TANC2: variants seen among roughly 807,000 people sequenced by gnomAD.
TANC2 encodes the protein tetratricopeptide repeat, ankyrin repeat and coiled-coil containing 2.
In TANC2, 26 loss-of-function variants were observed where a neutral mutation model predicts 210.5. The ratio of observed to expected loss-of-function variants is 0.12; its 90% confidence interval spans 0.09 to 0.17. The LOEUF (loss-of-function observed/expected upper bound fraction) is 0.17. Ranked by LOEUF, TANC2 falls within the 10% of genes least tolerant of loss-of-function variation. The probability of loss-of-function intolerance (pLI) is 1.00; values close to 1 mark genes in which losing one functional copy is unlikely to be tolerated. For missense variants in TANC2, 2,129 were observed against 2,608.9 expected (o/e 0.82, Z 4.01); for synonymous variants, 931 against 967.1 (o/e 0.96, Z 0.69).
At chr17:63,314,583 C>G (rs1461277488) in exon 10 of TANC2, 1 of 1,613,966 alleles carries the variant, frequency 6.2e-7, no homozygotes, top group African/African-American at 1.3e-5. Flanking sequence ...GGCAAAACTG[C>G]CATCATCTCC....
intron 6 of TANC2, among the ~76,000 whole-genome samples, chr17:63,196,756 A>G (rs939530412): frequency 2.0e-5 from 3 of 152,212 alleles, no homozygotes; most frequent in Non-Finnish European, 4.4e-5. Flanking sequence ...ATAGGTAATA[A>G]TAACTGACAT....
At chr17:62,992,510 A>C (rs1178676625) in intron 1 of TANC2, among the ~76,000 whole-genome samples, 5 of 152,306 alleles carry the variant, frequency 3.3e-5, no homozygotes, top group South Asian at 4.1e-4. Context: ...TGATTTGTTA[A>C]ATGATATGGA....
chr17:63,018,274 G>C (rs889507611), intron 2 of TANC2, among the ~76,000 whole-genome samples: 25 of 151,842 alleles, frequency 1.6e-4, no homozygotes, highest in African/African-American at 6.0e-4. Context: ...GCGGGTCACC[G>C]GGAAGTCGGG....
intron 6 of TANC2, chr17:63,197,892 A>T (rs1232927941): frequency 2.0e-5 from 3 of 152,212 alleles, no homozygotes; most frequent in Admixed American, 6.5e-5. Flanking sequence ...TCCTTAAGTA[A>T]ATATGAGGCC....
rs891094977 is a variant in TANC2 at position 63,089,617 on chromosome 17, A to AT, written c.140-9550dup. Reference sequence around the variant, plus strand: ...TTAGTTATTAAACTTTCTCTGCTTAATTTTTTTTAATATTTAATAGTATGT... The same window carrying AT: ...TTAGTTATTAAACTTTCTCTGCTTAATTTTTTTTTAATATTTAATAGTATGT... On this transcript the variant is annotated intron_variant, in intron 3 of 27. Coordinates refer to ENST00000689528, the Ensembl canonical transcript of TANC2. 1.3e-4 allele frequency among the ~76,000 whole-genome samples: 20 copies of AT among 152,156 alleles called. No homozygotes were observed. The East Asian group carries it at 2.5e-3, about 19-fold the overall frequency.
At chr17:63,210,485 T>C (rs2041852122) in intron 7 of TANC2, among the ~76,000 whole-genome samples, 1 of 152,226 alleles carries the variant, frequency 6.6e-6, no homozygotes, top group South Asian at 2.1e-4. Context: ...TACTTATAGT[T>C]ATATATTTAT....
intron 4 of TANC2, among the ~76,000 whole-genome samples, chr17:63,099,698 C>G (rs1165826332): frequency 6.6e-6 from 1 of 152,140 alleles, no homozygotes; most frequent in African/African-American, 2.4e-5. Flanking sequence ...TGGAGACATT[C>G]TAATTTTAGG....
At chr17:63,392,623 AG>A (rs1368624676) in intron 17 of TANC2, among the ~76,000 whole-genome samples, 1 of 152,174 alleles carries the variant, frequency 6.6e-6, no homozygotes, top group African/African-American at 2.4e-5. Flanking sequence ...CCATCCCCTT[AG>A]CTTTTGTAGA....
intron 9 of TANC2, among the ~76,000 whole-genome samples, chr17:63,279,607 A>T (rs2043999506): frequency 6.6e-6 from 1 of 152,024 alleles, no homozygotes; most frequent in African/African-American, 2.4e-5. Flanking sequence ...GGAAATACTA[A>T]ACTCCTGAAA....
intron 3 of TANC2, among the ~76,000 whole-genome samples, chr17:63,085,476 CT>C (rs35672537): frequency 1.1e-5 from 1 of 91,050 alleles, no homozygotes; most frequent in African/African-American, 4.8e-5. Flanking sequence ...TATATCACTT[CT>C]TTTTTCACCT....
intron 1 of TANC2, among the ~76,000 whole-genome samples, chr17:62,999,754 A>G (rs903249607): frequency 1.6e-4 from 25 of 152,300 alleles, no homozygotes; most frequent in African/African-American, 5.3e-4. Flanking sequence ...GCCCAAAGCA[A>G]TGTAAATTGT....
intron 4 of TANC2, chr17:63,120,910 G>C (rs750805134): frequency 6.0e-5 from 9 of 149,246 alleles, no homozygotes; most frequent in Non-Finnish European, 1.3e-4. Context: ...TTACTTTTTT[G>C]GGGGGAGGGA....
chr17:63,084,357 GT>G (rs2144742448), intron 3 of TANC2, among the ~76,000 whole-genome samples: 1 of 151,982 alleles, frequency 6.6e-6, no homozygotes, highest in Admixed American at 6.6e-5. Flanking sequence ...TTAGTAATTT[GT>G]GTCTCTTTCT....
At chr17:63,268,461 T>G (rs1486132920) in intron 9 of TANC2, among the ~76,000 whole-genome samples, 1 of 152,190 alleles carries the variant, frequency 6.6e-6, no homozygotes, top group Non-Finnish European at 1.5e-5. Flanking sequence ...ATGAATTTCT[T>G]GTTTAGACCC....
At chr17:63,424,515 C>T (rs1008842619) in exon 28 of TANC2, 2 of 152,296 alleles carry the variant, frequency 1.3e-5, no homozygotes, top group African/African-American at 2.4e-5. Context: ...AGCAAACACT[C>T]GCTGAGTCCA....
chr17:63,218,091 C>T lies in TANC2; in HGVS notation c.769+17134C>T, dbSNP rs183461376. Among the ~76,000 whole-genome samples the T allele has an allele frequency of 8.5e-3, 1,300 of 152,112 alleles. 9 individuals carry two copies. The highest frequency in any genetic ancestry group is 0.018 in the South Asian group (87 of 4,816). On this transcript the variant is annotated intron_variant, in intron 7 of 27. Transcript: ENST00000689528. Reference sequence around the variant, plus strand: ...TTGAGGCCAGAAGTTCGAGAGTTGCCTGGGCAACATAGTGAGATCCTGTCT... The same window carrying T: ...TTGAGGCCAGAAGTTCGAGAGTTGCTTGGGCAACATAGTGAGATCCTGTCT...
At chr17:63,143,666 A>C (rs965643118) in intron 4 of TANC2, among the ~76,000 whole-genome samples, 1 of 152,020 alleles carries the variant, frequency 6.6e-6, no homozygotes, top group Admixed American at 6.6e-5. Context: ...TATTTTTGCT[A>C]TTTCTTTGTA....
chr17:63,185,924 A>ATTGACT (rs1290025623), intron 5 of TANC2, among the ~76,000 whole-genome samples: 1 of 152,094 alleles, frequency 6.6e-6, no homozygotes, highest in Non-Finnish European at 1.5e-5. Context: ...TGGTGAAAAG[A>ATTGACT]TTGACTTTGC....
At chr17:63,229,826 T>C (rs1435030700) in intron 7 of TANC2, among the ~76,000 whole-genome samples, 2 of 151,474 alleles carry the variant, frequency 1.3e-5, no homozygotes, top group Admixed American at 6.6e-5. Context: ...CTGGAGTGTA[T>C]TGGTGTGATC....
Sources: allele counts gnomAD v4.1 joint callset (sites outside exome capture counted in the v4.1 genomes callset), GRCh38; gene constraint gnomAD v4.1.1; transcripts MANE v1.5; gene names NCBI Gene and HGNC (gene_info 2026-07-23, HGNC 2026-07-21).